The following ABCB1 variants were observed in gnomAD, a reference collection of about 807,000 sequenced individuals.
ABCB1 encodes ATP binding cassette subfamily B member 1.
In ABCB1, 69 loss-of-function variants were observed where a neutral mutation model predicts 142.0. The observed-to-expected ratio is 0.49, with a 90% CI of 0.40 to 0.59. The LOEUF is 0.59. Ranked by LOEUF, ABCB1 falls within the 20% of genes least tolerant of loss-of-function variation. The probability of loss-of-function intolerance (pLI) is 0.00; values close to 1 mark genes in which losing one functional copy is unlikely to be tolerated. For missense variants in ABCB1, 1,326 were observed against 1,554.7 expected (o/e 0.85, Z 2.47); for synonymous variants, 532 against 539.2 (o/e 0.99, Z 0.18).
At chr7:87,552,150 C>T (rs1007591803) in intron 9 of ABCB1, among the ~76,000 whole-genome samples, 3 of 152,082 alleles carry the variant, frequency 2.0e-5, no homozygotes, top group Admixed American at 6.5e-5. Context: ...GCCACAAGGC[C>T]GTGTTCTCTT....
chr7:87,704,709 G>A (rs565564770), intron 1 of ABCB1, among the ~76,000 whole-genome samples: 1 of 152,298 alleles, frequency 6.6e-6, no homozygotes, highest in African/African-American at 2.4e-5. Context: ...TTTTGCTCAG[G>A]CCTCAAACAG....
intron 1 of ABCB1, among the ~76,000 whole-genome samples, chr7:87,640,306 C>T (rs533638744): frequency 1.3e-5 from 2 of 151,324 alleles, no homozygotes; most frequent in African/African-American, 2.4e-5. Flanking sequence ...TCCATTTTAC[C>T]TTCCTCAGTT....
chr7:87,630,033 A>G (rs1450585813), intron 1 of ABCB1, among the ~76,000 whole-genome samples: 1 of 152,200 alleles, frequency 6.6e-6, no homozygotes, highest in African/African-American at 2.4e-5. Flanking sequence ...AGAAAAATTG[A>G]AACCCTAAGC....
chr7:87,641,849 A>G (rs1194615807), intron 1 of ABCB1, among the ~76,000 whole-genome samples: 2 of 152,194 alleles, frequency 1.3e-5, no homozygotes, highest in East Asian at 1.9e-4. Flanking sequence ...TCCTCCAAAG[A>G]TTCATATTTA....
rs200292584 is a variant in ABCB1 at position 87,566,793 on chromosome 7, T to C, written c.522A>G (p.Arg174=). 16 of 1,614,130 alleles carry C rather than the reference T, an allele frequency of 9.9e-6. No individual in the cohort carries two copies. The South Asian group carries it at 1.8e-4, about 18-fold the overall frequency. ...DVHDVGELNT[R]LTDDVSKINE... The stretch of plus-strand genomic sequence containing the variant: ...TAAAACTAAATACTTACTCTGTAAG[T>C]CGGGTGTTAAGCTCCCCAACATCGT... Residue 174 remains arginine, a synonymous_variant, in exon 6 of 28, where the codon CGA becomes CGG. Coordinates refer to ENST00000622132, the MANE Select transcript of ABCB1 (RefSeq NM_001348946.2).
At position 87,509,181 on chromosome 7, in the gene ABCB1, C is replaced by G; in HGVS notation, c.3489+94G>C. On this transcript the variant is annotated intron_variant, in intron 26 of 27. Transcript: ENST00000622132. ...GGGTGTGATTTGGTTGCTAATTTCTCTTCACTTCTGGGAGACCAGCCCCTT... is the reference window on the plus strand; with the variant it reads ...GGGTGTGATTTGGTTGCTAATTTCTGTTCACTTCTGGGAGACCAGCCCCTT... The G allele has an allele frequency of 2.3e-6, 3 of 1,327,956 alleles. 1 individual carries two copies. In the South Asian group the frequency reaches 3.5e-5, roughly 16 times the overall value. 82.3% of individuals were successfully genotyped at this position (1,327,956 alleles called of 1,614,324 possible). A position where few individuals can be genotyped will look rare whatever the true frequency, so the allele number is the denominator to read the frequency against.
In ABCB1 at chr7:87,509,476, A is replaced by C. The variant is rs758377034; in HGVS notation, c.3288T>G (p.Leu1096=). ...TCAGTCGCTTTATTTCTTTGCCATC[A>C]AGCAGCTGAAAACAAGAGTTCACAG... ...FYDPLAGKVL[L]DGKEIKRLNV... The change falls in exon 26 of 28, where the codon CTT becomes CTG. Residue 1096 remains leucine, a synonymous_variant. Coordinates refer to ENST00000622132, the MANE Select transcript of ABCB1 (RefSeq NM_001348946.2). 6.2e-7 allele frequency: 1 copy of C among 1,614,030 alleles called. No individual in the cohort carries two copies. Among genetic ancestry groups the C allele is most frequent in the South Asian group, 1.1e-5 (1 of 91,072 alleles).
At chr7:87,621,220 ATAAT>A (rs1168744976) in intron 1 of ABCB1, among the ~76,000 whole-genome samples, 16 of 152,290 alleles carry the variant, frequency 1.1e-4, no homozygotes, top group African/African-American at 3.6e-4. Flanking sequence ...CTGAAAGAGA[ATAAT>A]TAGGGAACAC....
intron 4 of ABCB1, among the ~76,000 whole-genome samples, chr7:87,570,739 A>G (rs1007408627): frequency 6.6e-6 from 1 of 152,176 alleles, no homozygotes; most frequent in Admixed American, 6.6e-5. Context: ...TTATAAAAGT[A>G]TTTCATAACT....
intron 23 of ABCB1, among the ~76,000 whole-genome samples, chr7:87,518,137 A>G (rs1323127610): frequency 1.3e-5 from 2 of 151,840 alleles, no homozygotes; most frequent in African/African-American, 4.8e-5. Context: ...TTTCCTCTGG[A>G]CTCTATGCCT....
In ABCB1 at chr7:87,546,911, A is replaced by G. The variant is rs1347390185; in HGVS notation, c.1726-887T>C. On this transcript the variant is annotated intron_variant, in intron 14 of 27. Coordinates refer to ENST00000622132, the MANE Select transcript of ABCB1 (RefSeq NM_001348946.2). ...GATAATAATAGTATTTACTTCTTAG[A>G]GTAGTTGTGATGACTAAATAAAATA... is the stretch of plus-strand genomic sequence containing the variant. 2.6e-5 allele frequency among the ~76,000 whole-genome samples: 4 copies of G among 152,226 alleles called. No individual in the cohort carries two copies. The East Asian group carries it at 7.7e-4, about 29-fold the overall frequency.
intron 3 of ABCB1, among the ~76,000 whole-genome samples, chr7:87,591,290 G>A (rs535773277): frequency 6.6e-6 from 1 of 152,306 alleles, no homozygotes; most frequent in Non-Finnish European, 1.5e-5. Context: ...CTTTAGCCCA[G>A]TAAAACTTCG....
chr7:87,514,175 C>G (rs1267550891), intron 25 of ABCB1, among the ~76,000 whole-genome samples: 1 of 152,204 alleles, frequency 6.6e-6, no homozygotes, highest in African/African-American at 2.4e-5. Context: ...TCATTTGAGT[C>G]ATTAAATGCT....
chr7:87,625,160 G>A (rs1820364772), intron 1 of ABCB1, among the ~76,000 whole-genome samples: 1 of 152,162 alleles, frequency 6.6e-6, no homozygotes, highest in Admixed American at 6.5e-5. Context: ...GGGAGGCTGA[G>A]GCAGGAGAAC....
At chr7:87,585,172 A>G (rs1818686129) in intron 4 of ABCB1, among the ~76,000 whole-genome samples, 1 of 152,086 alleles carries the variant, frequency 6.6e-6, no homozygotes, top group Non-Finnish European at 1.5e-5. Flanking sequence ...TCTTACACCC[A>G]TGTTCAATCT....
At chr7:87,663,219 G>T (rs1414502475) in intron 1 of ABCB1, among the ~76,000 whole-genome samples, 3 of 151,962 alleles carry the variant, frequency 2.0e-5, no homozygotes, top group African/African-American at 4.8e-5. Flanking sequence ...TTTTTAGTTG[G>T]ATGCCCTTTA....
At chr7:87,564,537 A>G (rs1817707994) in intron 7 of ABCB1, among the ~76,000 whole-genome samples, 1 of 152,140 alleles carries the variant, frequency 6.6e-6, no homozygotes, top group Non-Finnish European at 1.5e-5. Flanking sequence ...ACTTGCTGTG[A>G]TTGGGTCCCT....
chr7:87,512,643 C>A (rs1815065683), intron 25 of ABCB1, among the ~76,000 whole-genome samples: 1 of 152,184 alleles, frequency 6.6e-6, no homozygotes, highest in African/African-American at 2.4e-5. Context: ...GCAATAAAAA[C>A]TAATTAGTAG....
chr7:87,647,453 C>T (rs1823122167), intron 1 of ABCB1, among the ~76,000 whole-genome samples: 1 of 152,090 alleles, frequency 6.6e-6, no homozygotes, highest in African/African-American at 2.4e-5. Flanking sequence ...TTCTATTAAA[C>T]ACATTAAAGA....
Sources: allele counts gnomAD v4.1 joint callset (sites outside exome capture counted in the v4.1 genomes callset), GRCh38; gene constraint gnomAD v4.1.1; transcripts MANE v1.5; gene names NCBI Gene and HGNC (gene_info 2026-07-23, HGNC 2026-07-21).